P3H2: variants seen among roughly 807,000 people sequenced by gnomAD.
P3H2 encodes the protein leprecan-like 1.
Under a neutral mutation model 87.0 loss-of-function variants are expected in P3H2, and 80 were observed. That is an observed-to-expected ratio of 0.92 (90% CI 0.77 to 1.11). P3H2 has a LOEUF of 1.11. Ranked by LOEUF, P3H2 falls within the 50% of genes least tolerant of loss-of-function variation. The pLI is 0.00. For missense variants in P3H2, 1,001 were observed against 923.9 expected, an observed-to-expected ratio of 1.08 and a Z score of -1.08; for synonymous variants, 367 against 359.3, an observed-to-expected ratio of 1.02 and a Z score of -0.24.
At chr3:190,041,089 CTCTATA>C (rs1725611235) in intron 1 of P3H2, among the ~76,000 whole-genome samples, 1 of 32,572 alleles carries the variant, frequency 3.1e-5, no homozygotes, top group African/African-American at 1.9e-4. Flanking sequence ...CACTCTCTCT[CTCTATA>C]TATATATATA....
intron 1 of P3H2, among the ~76,000 whole-genome samples, chr3:190,104,966 CT>C (rs1278266074): frequency 6.6e-6 from 1 of 152,120 alleles, no homozygotes; most frequent in Admixed American, 6.5e-5. Context: ...CAACCATGGC[CT>C]AAAATACATT....
chr3:190,082,162 A>C (rs1727064805), intron 1 of P3H2, among the ~76,000 whole-genome samples: 1 of 152,196 alleles, frequency 6.6e-6, no homozygotes, highest in African/African-American at 2.4e-5. Flanking sequence ...AGGCTGAGGC[A>C]GGAGAATCAC....
Position 190,019,785 on chromosome 3 carries a change from AATAT to A in P3H2, c.481-24347_481-24344del, listed in dbSNP as rs1210566859. Among the ~76,000 whole-genome samples, 15 of 37,380 alleles carry A rather than the reference AATAT, an allele frequency of 4.0e-4. 4 individuals carry two copies. Among genetic ancestry groups the A allele is most frequent in the Non-Finnish European group, 8.2e-4 (10 of 12,166 alleles). 24.5% of individuals were successfully genotyped at this position (37,380 alleles called of 152,430 possible). ...ATGTGACATTACCTAGAAATTAAAA[AATAT>A]ATATATATATATATATATATATATA... On this transcript the variant is annotated intron_variant, in intron 1 of 14. Coordinates refer to ENST00000319332, the MANE Select transcript of P3H2 (RefSeq NM_018192.4).
chr3:190,053,694 G>A (rs1010898771), intron 1 of P3H2, among the ~76,000 whole-genome samples: 3 of 152,082 alleles, frequency 2.0e-5, no homozygotes, highest in Non-Finnish European at 4.4e-5. Flanking sequence ...CTGACCTCAG[G>A]TGATCCACGC....
chr3:190,095,558 T>C (rs1015925868), intron 1 of P3H2, among the ~76,000 whole-genome samples: 2 of 150,236 alleles, frequency 1.3e-5, no homozygotes, highest in East Asian at 3.9e-4. Context: ...AGATATGTAA[T>C]TTAGAGGGAA....
chr3:190,012,742 C>T (rs1043332405), intron 1 of P3H2, among the ~76,000 whole-genome samples: 1 of 152,180 alleles, frequency 6.6e-6, no homozygotes, highest in African/African-American at 2.4e-5. Context: ...CGTGGTGCCT[C>T]TCTGGTAGTA....
In P3H2 at chr3:190,020,609, A is replaced by C. The variant is rs1724904348; in HGVS notation, c.481-25167T>G. Among the ~76,000 whole-genome samples the C allele has an allele frequency of 1.5e-5, 2 of 133,488 alleles. 1 individual carries two copies. The highest frequency in any genetic ancestry group is 3.3e-5 in the Non-Finnish European group (2 of 59,952). The allele number at this position is 133,488 out of a possible 152,430, so 87.6% of individuals were successfully genotyped here. On this transcript the variant is annotated intron_variant, in intron 1 of 14. Transcript: ENST00000319332. ...CTTTCCCCTTTCATGAAAGTCTCCT[A>C]TGTCTCATCAGTGCCAGATACACAG...
chr3:190,088,384 A>G (rs925961148), intron 1 of P3H2, among the ~76,000 whole-genome samples: 2 of 152,218 alleles, frequency 1.3e-5, no homozygotes, highest in Non-Finnish European at 2.9e-5. Flanking sequence ...AAGCTCAATG[A>G]TTCTATATTT....
chr3:190,062,767 T>A (rs574654483), intron 1 of P3H2, among the ~76,000 whole-genome samples: 1 of 152,240 alleles, frequency 6.6e-6, no homozygotes, highest in South Asian at 2.1e-4. Flanking sequence ...GTATCTTGCA[T>A]CAGTGAGATA....
At chr3:190,064,416 C>T (rs1452973524) in intron 1 of P3H2, among the ~76,000 whole-genome samples, 1 of 152,040 alleles carries the variant, frequency 6.6e-6, no homozygotes, top group Non-Finnish European at 1.5e-5. Flanking sequence ...GCTGGAAGGG[C>T]TAGGCTGATA....
intron 9 of P3H2, 90 bp downstream of exon 9, chr3:189,974,468 T>G: frequency 3.9e-6 from 6 of 1,543,708 alleles, no homozygotes; most frequent in African/African-American, 1.4e-5. Context: ...CAGGGCTTGT[T>G]GTCTGGCTCC....
chr3:189,983,384 CA>C (rs1723596621), intron 7 of P3H2: 1 of 512,118 alleles, frequency 2.0e-6, no homozygotes, highest in Non-Finnish European at 3.5e-6. Context: ...TAATTGTATG[CA>C]TAACATAACT....
At chr3:190,083,669 C>T (rs1337925590) in intron 1 of P3H2, among the ~76,000 whole-genome samples, 1 of 152,156 alleles carries the variant, frequency 6.6e-6, no homozygotes, top group African/African-American at 2.4e-5. Flanking sequence ...ATAAGAATCC[C>T]CTAGTCACCC....
At chr3:190,120,136 A>T in intron 1 of P3H2, 116 bp downstream of exon 1, 1 of 1,232,038 alleles carries the variant, frequency 8.1e-7, no homozygotes, top group Non-Finnish European at 1.1e-6. Context: ...TGAGACACAT[A>T]TTTAAGGAGA....
intron 13 of P3H2, among the ~76,000 whole-genome samples, chr3:189,968,112 AT>A (rs1179652527): frequency 6.6e-6 from 1 of 152,060 alleles, no homozygotes; most frequent in Non-Finnish European, 1.5e-5. Context: ...TCAATTGGAA[AT>A]TTTTTTATTA....
intron 1 of P3H2, among the ~76,000 whole-genome samples, chr3:190,042,034 C>A (rs1377114255): frequency 6.6e-6 from 1 of 152,134 alleles, no homozygotes; most frequent in African/African-American, 2.4e-5. Context: ...GTGCCTAAAC[C>A]AATGGCTTTT....
chr3:190,081,341 T>C (rs1422015214), intron 1 of P3H2, among the ~76,000 whole-genome samples: 2 of 152,216 alleles, frequency 1.3e-5, no homozygotes, highest in East Asian at 3.8e-4. Context: ...CTTTGGTATA[T>C]AATTAAGGGC....
chr3:189,991,211 A>T (rs185121153), intron 3 of P3H2, among the ~76,000 whole-genome samples: 1 of 152,362 alleles, frequency 6.6e-6, no homozygotes, highest in Non-Finnish European at 1.5e-5. Context: ...CAAAAAAATA[A>T]AACTTTCAGG....
intron 1 of P3H2, among the ~76,000 whole-genome samples, chr3:190,083,362 C>T (rs1308083165): frequency 6.6e-6 from 1 of 152,130 alleles, no homozygotes; most frequent in Non-Finnish European, 1.5e-5. Context: ...AATCCACACC[C>T]TTTCTATTTT....
Sources: gnomAD v4.1 joint callset for allele counts (sites outside exome capture counted in the v4.1 genomes callset) on GRCh38, gnomAD v4.1.1 for gene constraint, MANE v1.5 for transcripts, NCBI Gene and HGNC (gene_info 2026-07-23, HGNC 2026-07-21) for gene names.